Variants in NAV2 observed in about 807,000 individuals in gnomAD.
NAV2 encodes the protein helicase, APC down-regulated 1.
Under a neutral mutation model 223.2 loss-of-function variants are expected in NAV2, and 54 were observed. The observed-to-expected ratio is 0.24, with a 90% CI of 0.19 to 0.30. The LOEUF (loss-of-function observed/expected upper bound fraction) is 0.30, where lower values mean the gene tolerates loss of function less well. Ranked by LOEUF, NAV2 falls within the 10% of genes least tolerant of loss-of-function variation. The pLI is 1.00. For synonymous variants in NAV2, 1,279 were observed against 1,239.3 expected, an observed-to-expected ratio of 1.03 and a Z score of -0.67; for missense variants, 2,806 against 3,147.5, an observed-to-expected ratio of 0.89 and a Z score of 2.60.
In NAV2 at chr11:19,998,572, C is replaced by A. The variant is rs1023247265; in HGVS notation, c.2768+14325C>A. 2.0e-5 allele frequency among the ~76,000 whole-genome samples: 3 copies of A among 152,122 alleles called. No homozygotes were observed. The highest frequency in any genetic ancestry group is 7.2e-5 in the African/African-American group (3 of 41,408). Reference sequence around the variant, plus strand: ...AAGGGGGTGTGTGTTCTGGCCCCTGCGCACCTCTCCAGCCTCACCTCATCA... The same window carrying A: ...AAGGGGGTGTGTGTTCTGGCCCCTGAGCACCTCTCCAGCCTCACCTCATCA... On this transcript the variant is annotated intron_variant, in intron 11 of 37. Transcript: ENST00000349880. This position sits in a 1 kb window ranked among gnomAD's most constrained non-coding sequence, Gnocchi z 5.0.
intron 1 of NAV2, among the ~76,000 whole-genome samples, chr11:19,739,982 A>G (rs1347738886): frequency 6.6e-6 from 1 of 152,198 alleles, no homozygotes; most frequent in South Asian, 2.1e-4. Context: ...CTCTCCTTGG[A>G]GAGGGAAAGG....
intron 1 of NAV2, among the ~76,000 whole-genome samples, chr11:19,454,002 C>T (rs1033227782): frequency 1.3e-5 from 2 of 152,120 alleles, no homozygotes; most frequent in Admixed American, 6.5e-5. Flanking sequence ...GGACACCATC[C>T]GCTGCCACCG....
At chr11:19,818,561 A>T (rs1352630707) in intron 1 of NAV2, among the ~76,000 whole-genome samples, 1 of 152,180 alleles carries the variant, frequency 6.6e-6, no homozygotes, top group African/African-American at 2.4e-5. Context: ...ATATAATTTT[A>T]AGTTTATATA....
At chr11:19,625,657 G>A (rs755771901) in intron 1 of NAV2, among the ~76,000 whole-genome samples, 10 of 151,942 alleles carry the variant, frequency 6.6e-5, no homozygotes, top group Non-Finnish European at 7.4e-5. Context: ...ACTAGTTTTC[G>A]TTCCCACCAA....
intron 10 of NAV2, among the ~76,000 whole-genome samples, chr11:19,983,883 T>C (rs1436088033): frequency 1.3e-5 from 2 of 152,210 alleles, no homozygotes; most frequent in Non-Finnish European, 1.5e-5. Context: ...CCTGTGAGTT[T>C]GGGTTAATTA....
At chr11:19,552,903 A>T (rs143695928) in intron 1 of NAV2, among the ~76,000 whole-genome samples, 624 of 41,018 alleles carry the variant, frequency 0.015, 4 homozygotes, top group African/African-American at 0.066. Context: ...GTGGGGGGGA[A>T]GGGGGGGAGC....
At chr11:20,105,936 A>G (rs180978853) in intron 35 of NAV2, among the ~76,000 whole-genome samples, 1 of 135,674 alleles carries the variant, frequency 7.4e-6, no homozygotes, top group Admixed American at 7.7e-5. Flanking sequence ...GCCTGGCCCA[A>G]TGTAGAAACT....
chr11:19,407,062 A>AGATGGAGGCAGGGAGGT (rs1396636981), intron 1 of NAV2, among the ~76,000 whole-genome samples: 1 of 152,120 alleles, frequency 6.6e-6, no homozygotes, highest in African/African-American at 2.4e-5. Flanking sequence ...GGCAGGGAGG[A>AGATGGAGGCAGGGAGGT]GATGGAGGTC....
intron 1 of NAV2, among the ~76,000 whole-genome samples, chr11:19,466,580 C>A (rs150979061): frequency 2.0e-5 from 3 of 152,180 alleles, no homozygotes; most frequent in African/African-American, 7.2e-5. Flanking sequence ...TCACTGAGAC[C>A]GCTCTTCGAC....
intron 11 of NAV2, among the ~76,000 whole-genome samples, chr11:20,014,248 G>C (rs1007975025): frequency 6.6e-6 from 1 of 152,156 alleles, no homozygotes. Context: ...GGTAGACACA[G>C]TCAAGGATGT....
chr11:19,482,455 G>A (rs1205412723), intron 1 of NAV2, among the ~76,000 whole-genome samples: 1 of 152,196 alleles, frequency 6.6e-6, no homozygotes, highest in Admixed American at 6.5e-5. Context: ...CTGTGGAACT[G>A]GAAAAAGGCA....
intron 11 of NAV2, among the ~76,000 whole-genome samples, chr11:20,034,182 C>T (rs1233604735): frequency 6.6e-6 from 1 of 152,086 alleles, no homozygotes; most frequent in Non-Finnish European, 1.5e-5. Flanking sequence ...GCCCTCTGAC[C>T]TTGTACAGGG....
intron 1 of NAV2, among the ~76,000 whole-genome samples, chr11:19,579,897 A>G (rs2045667526): frequency 6.6e-6 from 1 of 152,210 alleles, no homozygotes; most frequent in South Asian, 2.1e-4. Flanking sequence ...AGTGGAAAGT[A>G]CTATAAAACC....
chr11:19,985,203 C>G (rs758003500), intron 11 of NAV2, among the ~76,000 whole-genome samples: 2 of 152,228 alleles, frequency 1.3e-5, no homozygotes, highest in Non-Finnish European at 2.9e-5. Context: ...TAAGTGACTT[C>G]TGTAATTGTG....
intron 1 of NAV2, among the ~76,000 whole-genome samples, chr11:19,515,028 A>G (rs901564): frequency 0.012 from 1,817 of 152,316 alleles, 33 homozygotes; most frequent in African/African-American, 0.041. Context: ...AGTTAAGAGC[A>G]TGACCTTTGG....
At chr11:19,386,892 T>G (rs1849064533) in intron 1 of NAV2, among the ~76,000 whole-genome samples, 1 of 151,990 alleles carries the variant, frequency 6.6e-6, no homozygotes, top group Admixed American at 6.6e-5. Flanking sequence ...TGACACCCAC[T>G]CAATGGAAGG....
chr11:19,654,095 T>C (rs1392237444), intron 1 of NAV2, among the ~76,000 whole-genome samples: 2 of 152,060 alleles, frequency 1.3e-5, no homozygotes, highest in African/African-American at 4.8e-5. Flanking sequence ...TATACACAAA[T>C]AACAGACAAA....
At chr11:19,460,700 A>T (rs1852126749) in intron 1 of NAV2, among the ~76,000 whole-genome samples, 1 of 151,658 alleles carries the variant, frequency 6.6e-6, no homozygotes, top group East Asian at 2.0e-4. Context: ...CCTAATGTAA[A>T]TGGGTGCAGC....
chr11:19,549,323 G>A (rs114370856), intron 1 of NAV2, among the ~76,000 whole-genome samples: 20 of 152,278 alleles, frequency 1.3e-4, no homozygotes, highest in African/African-American at 2.2e-4. Flanking sequence ...GGAGCCACTC[G>A]GGAGGCTGCC....
Sources: gnomAD v4.1 joint callset for allele counts (sites outside exome capture counted in the v4.1 genomes callset) on GRCh38, gnomAD v4.1.1 for gene constraint, Gnocchi (gnomAD v3.1) non-coding constraint, MANE v1.5 for transcripts, NCBI Gene and HGNC (gene_info 2026-07-23, HGNC 2026-07-21) for gene names.